Variants in C8orf34 observed in about 807,000 individuals in gnomAD.
The protein encoded by C8orf34 is uncharacterized protein C8orf34.
C8orf34 carries 65 observed loss-of-function variants against 68.3 expected under a neutral mutation model. The ratio of observed to expected loss-of-function variants is 0.95; its 90% CI spans 0.78 to 1.17. The LOEUF is 1.17. Among genes scored for constraint, C8orf34 ranks in the 50% most tolerant of loss-of-function variants. The pLI, the probability that C8orf34 is intolerant of heterozygous loss-of-function variation, is 0.00. For synonymous variants in C8orf34, 244 were observed against 241.2 expected (o/e 1.01, Z -0.11); for missense variants, 664 against 655.4 (o/e 1.01, Z -0.14).
In C8orf34 at chr8:68,559,500, G is replaced by T. The variant is rs146331146; in HGVS notation, c.1105+26351G>T. Among the ~76,000 whole-genome samples the T allele has an allele frequency of 1.2e-3, 180 of 152,226 alleles. 1 individual carries two copies. Among genetic ancestry groups the T allele is most frequent in the African/African-American group, 4.1e-3 (171 of 41,546 alleles). On this transcript the variant is annotated intron_variant, in intron 7 of 13. Transcript: ENST00000518698. ...TTTGCAAATTAAAACTGATTAAAGA[G>T]AACTTTAAAATAAGATCAGAAGGGA...
chr8:68,593,263 G>A (rs990389239), intron 7 of C8orf34, among the ~76,000 whole-genome samples: 8 of 151,906 alleles, frequency 5.3e-5, no homozygotes, highest in Non-Finnish European at 1.5e-5. Flanking sequence ...ATGTATTTAT[G>A]GTTGTCTTAG....
chr8:68,434,472 G>A (rs1225091546), intron 1 of C8orf34, among the ~76,000 whole-genome samples: 2 of 152,124 alleles, frequency 1.3e-5, no homozygotes, highest in Non-Finnish European at 2.9e-5. Flanking sequence ...CACTGCAAAG[G>A]ACATGAACTC....
At chr8:68,769,282 A>G (rs1030228345) in intron 10 of C8orf34, among the ~76,000 whole-genome samples, 1 of 151,816 alleles carries the variant, frequency 6.6e-6, no homozygotes, top group African/African-American at 2.4e-5. Context: ...TTTTTTCTAA[A>G]GAAAAATCTC....
intron 10 of C8orf34, among the ~76,000 whole-genome samples, chr8:68,724,862 TA>T (rs1401047181): frequency 6.6e-6 from 1 of 152,196 alleles, no homozygotes; most frequent in African/African-American, 2.4e-5. Context: ...ATGGCTTTCT[TA>T]TTTTTTTTCT....
chr8:68,672,905 T>C (rs780629992), intron 8 of C8orf34, among the ~76,000 whole-genome samples: 13 of 152,280 alleles, frequency 8.5e-5, no homozygotes, highest in Non-Finnish European at 1.6e-4. Flanking sequence ...TAAAGAATAA[T>C]TTGTCTTGTA....
chr8:68,812,827 C>G (rs1176091187), intron 12 of C8orf34, among the ~76,000 whole-genome samples: 1 of 152,116 alleles, frequency 6.6e-6, no homozygotes, highest in Non-Finnish European at 1.5e-5. Context: ...CTATCTTTAT[C>G]TTCTGTTTAT....
chr8:68,412,193 G>A (rs1809472701), intron 1 of C8orf34, among the ~76,000 whole-genome samples: 1 of 152,160 alleles, frequency 6.6e-6, no homozygotes, highest in Non-Finnish European at 1.5e-5. Flanking sequence ...AGCCGGAACA[G>A]ACTAAGACAG....
At position 68,344,894 on chromosome 8, in the gene C8orf34, G is replaced by A. The variant is rs144697621; in HGVS notation, c.327+13555G>A. ...TATTGATAGAAAAATATTAACATAC[G>A]TGTTGAAAATTTAAGAGTAATCTCT... On this transcript the variant is annotated intron_variant, in intron 1 of 13. Coordinates refer to ENST00000518698, the MANE Select transcript of C8orf34 (RefSeq NM_052958.4). Among the ~76,000 whole-genome samples the A allele has an allele frequency of 9.7e-4, 147 of 152,132 alleles. 3 individuals carry two copies. The East Asian group carries it at 0.019, about 20-fold the overall frequency.
Position 68,685,416 on chromosome 8 carries a change from T to C in C8orf34, c.1242-23578T>C, listed in dbSNP as rs78976803. ...TGAACAACTAAGACTCAAAGTAATATGTCTTCAAAATGCTAAAACATAATC... is the reference window on the plus strand; with the variant it reads ...TGAACAACTAAGACTCAAAGTAATACGTCTTCAAAATGCTAAAACATAATC... On this transcript the variant is annotated intron_variant, in intron 8 of 13. Coordinates refer to ENST00000518698, the MANE Select transcript of C8orf34 (RefSeq NM_052958.4). Among the ~76,000 whole-genome samples, 696 of 152,258 alleles carry C rather than the reference T, an allele frequency of 4.6e-3. 4 individuals are homozygous for C. Among genetic ancestry groups the C allele is most frequent in the African/African-American group, 0.016 (659 of 41,576 alleles).
chr8:68,503,117 A>C (rs1813849463), intron 5 of C8orf34, among the ~76,000 whole-genome samples: 1 of 152,194 alleles, frequency 6.6e-6, no homozygotes, highest in African/African-American at 2.4e-5. Context: ...TGTAATAATT[A>C]AGAGAAATGT....
intron 5 of C8orf34, among the ~76,000 whole-genome samples, chr8:68,504,443 C>G (rs193288654): frequency 4.6e-5 from 7 of 152,072 alleles, no homozygotes; most frequent in Admixed American, 4.6e-4. Flanking sequence ...GAGGTATATA[C>G]AGAGGATAGG....
At chr8:68,430,452 A>T (rs1429564713) in intron 1 of C8orf34, among the ~76,000 whole-genome samples, 2 of 152,188 alleles carry the variant, frequency 1.3e-5, no homozygotes, top group African/African-American at 2.4e-5. Context: ...GGGACTGCTT[A>T]CTTATAGCCA....
At chr8:68,787,295 T>A (rs1823870996) in intron 11 of C8orf34, 148 bp from the exon 12 acceptor site, 1 of 498,416 alleles carries the variant, frequency 2.0e-6, no homozygotes, top group East Asian at 3.2e-5. Flanking sequence ...TGAAAATGAA[T>A]TTAAAGTTAG....
intron 11 of C8orf34, among the ~76,000 whole-genome samples, chr8:68,784,597 G>A (rs73683724): frequency 0.098 from 14,861 of 152,178 alleles, 900 homozygotes; most frequent in African/African-American, 0.17. Context: ...ATATACATTT[G>A]TCTATTCTCA....
intron 7 of C8orf34, chr8:68,534,535 A>C: frequency 1.3e-6 from 1 of 766,556 alleles, no homozygotes; most frequent in Non-Finnish European, 1.6e-6. Context: ...TATAGGGGTA[A>C]CACCTAAAGC....
At chr8:68,509,807 G>T (rs183799804) in intron 5 of C8orf34, among the ~76,000 whole-genome samples, 4 of 152,246 alleles carry the variant, frequency 2.6e-5, no homozygotes, top group Admixed American at 2.6e-4. Flanking sequence ...ATCCTTGCAT[G>T]CCTGAATCCT....
intron 1 of C8orf34, among the ~76,000 whole-genome samples, chr8:68,425,988 C>T (rs192638555): frequency 8.5e-5 from 13 of 152,110 alleles, no homozygotes; most frequent in African/African-American, 2.2e-4. Flanking sequence ...GACTCTTGAC[C>T]TTAAACATTG....
At chr8:68,635,265 A>AT (rs1388414313) in intron 7 of C8orf34, among the ~76,000 whole-genome samples, 2 of 152,202 alleles carry the variant, frequency 1.3e-5, no homozygotes. Flanking sequence ...TCTGTGTCTT[A>AT]TTAGTTGAAA....
rs549123492 is a variant in C8orf34, at chr8:68,664,173, A to G, written c.1241+23662A>G. On this transcript the variant is annotated intron_variant, in intron 8 of 13. Coordinates refer to ENST00000518698, the MANE Select transcript of C8orf34 (RefSeq NM_052958.4). ...TCCTTGGTCAGGTCACAGAGCTCCT[A>G]TAAATCTTTAACATAATATTGTCAC... Among the ~76,000 whole-genome samples the G allele has an allele frequency of 7.2e-5, 11 of 152,290 alleles. No homozygotes were observed. The East Asian group carries it at 1.9e-3, about 27-fold the overall frequency.
Sources: gnomAD v4.1 joint callset for allele counts (sites outside exome capture counted in the v4.1 genomes callset) on GRCh38, gnomAD v4.1.1 for gene constraint, MANE v1.5 for transcripts, NCBI Gene and HGNC (gene_info 2026-07-23, HGNC 2026-07-21) for gene names.